IFFO1: variants seen among roughly 807,000 people sequenced by gnomAD.
The protein encoded by IFFO1 is non-homologous end joining factor IFFO1.
Under a neutral mutation model 59.6 loss-of-function variants are expected in IFFO1, and 42 were observed. The ratio of observed to expected loss-of-function variants is 0.70; its 90% CI spans 0.55 to 0.91. The LOEUF is 0.91. Among genes scored for constraint, IFFO1 ranks in the 40% least tolerant of loss-of-function variants. The probability of loss-of-function intolerance (pLI) is 0.00; values close to 1 mark genes in which losing one functional copy is unlikely to be tolerated. For synonymous variants in IFFO1, 336 were observed against 342.8 expected, an observed-to-expected ratio of 0.98 and a Z score of 0.22; for missense variants, 711 against 793.2, an observed-to-expected ratio of 0.90 and a Z score of 1.24.
In IFFO1 at chr12:6,549,462, G is replaced by A. The variant is rs1198673485; in HGVS notation, c.1080+14C>T. The A allele has an allele frequency of 6.2e-7, 1 of 1,613,848 alleles. No homozygotes were observed. The highest frequency in any genetic ancestry group is 8.5e-7 in the Non-Finnish European group (1 of 1,179,728). On this transcript the variant is annotated intron_variant, in intron 5 of 9. Transcript: ENST00000619571. This position sits in a 1 kb window ranked among gnomAD's most constrained non-coding sequence, Gnocchi z 5.0. The stretch of plus-strand genomic sequence containing the variant: ...GACTGGGACATTAATAAGCTTGCGT[G>A]AGATCAAACTAACCAGCTTCTTCTG...
intron 8 of IFFO1, 67 bp downstream of exon 8, chr12:6,547,998 C>T: frequency 8.5e-7 from 1 of 1,182,966 alleles, no homozygotes; most frequent in Non-Finnish European, 1.3e-6. Flanking sequence ...GATGAGGCCA[C>T]TGCGCCTGCA....
intron 8 of IFFO1, among the ~76,000 whole-genome samples, chr12:6,545,182 T>G (rs1371604889): frequency 6.6e-6 from 1 of 151,696 alleles, no homozygotes; most frequent in South Asian, 2.1e-4. Context: ...GCCACTGCAC[T>G]CCAGCCTGGG....
Position 6,552,898 on chromosome 12 carries a change from T to A in IFFO1, c.774-1897A>T, listed in dbSNP as rs144258049. On this transcript the variant is annotated intron_variant, in intron 1 of 9. Transcript: ENST00000619571. ...TAAGGTTCCCTTAACATGGGCAGAA[T>A]TTGAGAGCGATATCCATGTGTTCTG... 2.9e-3 allele frequency among the ~76,000 whole-genome samples: 445 copies of A among 152,318 alleles called. 1 individual carries two copies. Among genetic ancestry groups the A allele is most frequent in the African/African-American group, 0.01 (433 of 41,570 alleles).
At chr12:6,540,623 G>T in intron 9 of IFFO1, 35 bp from the exon 10 acceptor site, 3 of 1,568,956 alleles carry the variant, frequency 1.9e-6, no homozygotes, top group Non-Finnish European at 2.6e-6. Flanking sequence ...CCTTGGGGCA[G>T]GCAGGAATCC....
rs1166969835 is a variant in IFFO1, at chr12:6,549,579, C to CT, written c.1072-96dup. 1.8e-5 allele frequency: 24 copies of CT among 1,336,388 alleles called. No homozygotes were observed. The highest frequency in any genetic ancestry group is 2.4e-5 in the Non-Finnish European group (22 of 932,972). 82.8% of individuals were successfully genotyped at this position (1,336,388 alleles called of 1,614,324 possible). ...AAGGGAGAGACGGCGTTAGAGACAG[C>CT]TTCCACGATGCCCCTCCTGATGCTG... On this transcript the variant is annotated intron_variant, in intron 4 of 9. Coordinates refer to ENST00000619571, the MANE Select transcript of IFFO1 (RefSeq NM_001193457.2). The surrounding 1 kb of genome is among the most constrained non-coding windows in gnomAD (Gnocchi z 5.0).
At chr12:6,553,039 G>C (rs1011269314) in intron 1 of IFFO1, among the ~76,000 whole-genome samples, 2 of 152,178 alleles carry the variant, frequency 1.3e-5, no homozygotes, top group Admixed American at 1.3e-4. Flanking sequence ...CACAAGGCAG[G>C]GGAGCTGAAA....
chr12:6,554,226 C>G (rs1297728968), intron 1 of IFFO1, among the ~76,000 whole-genome samples: 1 of 152,176 alleles, frequency 6.6e-6, no homozygotes, highest in Non-Finnish European at 1.5e-5. Flanking sequence ...CTCCGCCACA[C>G]TGGGCTGCAT....
Position 6,541,666 on chromosome 12 carries a change from T to A in IFFO1, c.1480-24A>T. 1 of 1,613,384 alleles carries A rather than the reference T, an allele frequency of 6.2e-7. No homozygotes were observed. The highest frequency in any genetic ancestry group is 8.5e-7 in the Non-Finnish European group (1 of 1,179,928). On this transcript the variant is annotated intron_variant, in intron 8 of 9. Coordinates refer to ENST00000619571, the MANE Select transcript of IFFO1 (RefSeq NM_001193457.2). The surrounding 1 kb of genome is among the most constrained non-coding windows in gnomAD (Gnocchi z 4.8). ...AGCTGTGGTGGGGCAGGCAGGGCCA[T>A]CGGGGTTAACAGGTGGCGTTCACAG...
In IFFO1 at chr12:6,549,507, G is replaced by C. The variant is rs781571734; in HGVS notation, c.1072-23C>G. 3 of 1,603,196 alleles carry C rather than the reference G, an allele frequency of 1.9e-6. No homozygotes were observed. Among genetic ancestry groups the C allele is most frequent in the Admixed American group, 1.7e-5 (1 of 60,008 alleles). ...CTTCTGTGGAGGAAGCAAGAGAGAAGATGAGAGGAAGAGAGGAGAGGAAGC... is the reference window on the plus strand; with the variant it reads ...CTTCTGTGGAGGAAGCAAGAGAGAACATGAGAGGAAGAGAGGAGAGGAAGC... On this transcript the variant is annotated intron_variant, in intron 4 of 9. Transcript: ENST00000619571. The surrounding 1 kb of genome is among the most constrained non-coding windows in gnomAD (Gnocchi z 5.0).
At chr12:6,539,065 T>C (rs1484852959), downstream of IFFO1, 1 of 152,254 alleles carries the variant, frequency 6.6e-6, no homozygotes, top group Non-Finnish European at 1.5e-5. Flanking sequence ...AGCTGGGACC[T>C]AGGTCCAGAC....
Position 6,548,336 on chromosome 12 carries a change from G to T in IFFO1, c.1383+89C>A, listed in dbSNP as rs1947063874. ...GCAGGTAGAGGATGACAGCCACATG[G>T]GGGGACAGAGCAAGGAGAGGAGCGG... On this transcript the variant is annotated intron_variant, in intron 7 of 9. Transcript: ENST00000619571. The surrounding 1 kb of genome is among the most constrained non-coding windows in gnomAD (Gnocchi z 6.1). 8.8e-6 allele frequency: 13 copies of T among 1,479,892 alleles called. No homozygotes were observed. In the South Asian group the frequency reaches 1.5e-4, roughly 17 times the overall value. The allele number at this position is 1,479,892 out of a possible 1,614,324, so 91.7% of individuals were successfully genotyped here.
chr12:6,549,437 G>A lies in IFFO1; in HGVS notation c.1080+39C>T, dbSNP rs1947134503. On this transcript the variant is annotated intron_variant, in intron 5 of 9. Coordinates refer to ENST00000619571, the MANE Select transcript of IFFO1 (RefSeq NM_001193457.2). This position sits in a 1 kb window ranked among gnomAD's most constrained non-coding sequence, Gnocchi z 5.0. ...GAGGCCTAGGCAGCTTAGAAACTGG[G>A]ACTGGGACATTAATAAGCTTGCGTG... The A allele has an allele frequency of 6.2e-7, 1 of 1,613,094 alleles. No homozygotes were observed. The highest frequency in any genetic ancestry group is 1.7e-5 in the Admixed American group (1 of 59,984).
intron 8 of IFFO1, among the ~76,000 whole-genome samples, chr12:6,547,081 A>G (rs887787578): frequency 1.3e-5 from 2 of 151,960 alleles, no homozygotes; most frequent in African/African-American, 4.8e-5. Flanking sequence ...CTTCTAAACA[A>G]CCCTATAGGT....
rs1382308097 is a variant in IFFO1 at position 6,555,852 on chromosome 12, G to A, written c.178C>T (p.Pro60Ser). ...TTGCGGAGGGCCATGGCGGCAGGCG[G>A]GGCCGGGCCCGGCCCGGGCGGCGAG... ...AYSPPGPGPA[P>S]PAAMALRNDL... The change falls in exon 1 of 10, where the codon CCG becomes TCG. Residue 60 changes from proline to serine, a missense_variant. Coordinates refer to ENST00000619571, the MANE Select transcript of IFFO1 (RefSeq NM_001193457.2). This position sits in a 1 kb window ranked among gnomAD's most constrained non-coding sequence, Gnocchi z 8.6. 2 of 1,609,114 alleles carry A rather than the reference G, an allele frequency of 1.2e-6. No individual in the cohort carries two copies. The highest frequency in any genetic ancestry group is 1.7e-6 in the Non-Finnish European group (2 of 1,178,492).
chr12:6,540,730 C>T (rs1946671716), intron 9 of IFFO1, 142 bp from the exon 10 acceptor site: 4 of 719,134 alleles, frequency 5.6e-6, no homozygotes, highest in Non-Finnish European at 7.2e-6. Flanking sequence ...GGCGAGGGAG[C>T]GGCAGGGACT....
intron 8 of IFFO1, 82 bp downstream of exon 8, chr12:6,547,983 G>T: frequency 1.0e-6 from 1 of 997,886 alleles, no homozygotes; most frequent in Non-Finnish European, 1.6e-6. Flanking sequence ...GGGTCCTGCA[G>T]CAGGGATGAG....
rs1326516227 is a variant in IFFO1, at chr12:6,539,651, G to GA, written c.*831dup. ...CCCCAGCTTCTCCAGGCTTTTCCAA[G>GA]AATCAGGGACACTGTAGCCTGTTGG... On this transcript the variant is annotated 3_prime_UTR_variant, in exon 10 of 10. Transcript: ENST00000619571. The GA allele has an allele frequency of 8.5e-5, 13 of 152,260 alleles. No homozygotes were observed. The highest frequency in any genetic ancestry group is 8.5e-4 in the Admixed American group (13 of 15,282). 9.4% of individuals were successfully genotyped at this position (152,260 alleles called of 1,614,324 possible).
rs145222821 is a variant in IFFO1, at chr12:6,541,950, A to T, written c.1480-308T>A. Among the ~76,000 whole-genome samples, 91 of 152,318 alleles carry T rather than the reference A, an allele frequency of 6.0e-4. No homozygotes were observed. Among genetic ancestry groups the T allele is most frequent in the South Asian group, 2.9e-3 (14 of 4,828 alleles). On this transcript the variant is annotated intron_variant, in intron 8 of 9. Coordinates refer to ENST00000619571, the MANE Select transcript of IFFO1 (RefSeq NM_001193457.2). The surrounding 1 kb of genome is among the most constrained non-coding windows in gnomAD (Gnocchi z 4.8). ...AGTGTGGGCGGGATGGAGCAGATCC[A>T]CAGGCTCCCAGGGCCACACAGGTTC...
chr12:6,539,301 AATC>A (rs943869193), downstream of IFFO1: 5 of 152,214 alleles, frequency 3.3e-5, no homozygotes, highest in African/African-American at 1.2e-4. Context: ...AAATTACAAA[AATC>A]AGCCAGGCTT....
Sources: gnomAD v4.1 joint callset for allele counts (sites outside exome capture counted in the v4.1 genomes callset) on GRCh38, gnomAD v4.1.1 for gene constraint, Gnocchi (gnomAD v3.1) non-coding constraint, MANE v1.5 for transcripts, NCBI Gene and HGNC (gene_info 2026-07-23, HGNC 2026-07-21) for gene names.